Variants in PCDHA10 observed in about 807,000 individuals in gnomAD.
The protein encoded by PCDHA10 is protocadherin alpha 10.
A neutral mutation model predicts 61.2 loss-of-function variants in PCDHA10; 45 were observed. That is an observed-to-expected ratio of 0.74 (90% confidence interval 0.58 to 0.94). PCDHA10 has a LOEUF of 0.94. Ranked by LOEUF, PCDHA10 falls within the 40% of genes least tolerant of loss-of-function variation. The pLI, the probability that PCDHA10 is intolerant of heterozygous loss-of-function variation, is 0.00. For missense variants in PCDHA10, 1,278 were observed against 1,236.2 expected, an observed-to-expected ratio of 1.03 and a Z score of -0.51; for synonymous variants, 602 against 548.8, an observed-to-expected ratio of 1.10 and a Z score of -1.35.
intron 3 of PCDHA10, among the ~76,000 whole-genome samples, chr5:140,985,238 A>G (rs2097143387): frequency 1.3e-5 from 2 of 152,120 alleles, no homozygotes; most frequent in Non-Finnish European, 2.9e-5. Context: ...CGCCTGGCCT[A>G]ATCTTCTTAC....
At chr5:140,872,544 C>T (rs912822292) in intron 1 of PCDHA10, among the ~76,000 whole-genome samples, 1 of 152,126 alleles carries the variant, frequency 6.6e-6, no homozygotes, top group Admixed American at 6.5e-5. Context: ...AGAGGATCCC[C>T]TGAACCCAGG....
chr5:140,980,487 G>C (rs2096891705), intron 2 of PCDHA10, among the ~76,000 whole-genome samples: 1 of 152,124 alleles, frequency 6.6e-6, no homozygotes, highest in African/African-American at 2.4e-5. Flanking sequence ...AAAATTAGCT[G>C]GGCGTGATGG....
chr5:140,861,502 T>A, intron 1 of PCDHA10: 1 of 482,002 alleles, frequency 2.1e-6, no homozygotes. Context: ...CTGATAGACC[T>A]CGAGGAGCTG....
At position 140,973,042 on chromosome 5, in the gene PCDHA10, T is replaced by C. The variant is rs78535788; in HGVS notation, c.2389-5907T>C. Among the ~76,000 whole-genome samples the C allele has an allele frequency of 5.1e-3, 779 of 152,252 alleles. 6 individuals carry two copies. Among genetic ancestry groups the C allele is most frequent in the African/African-American group, 0.018 (740 of 41,542 alleles). ...TGTTAATGAGTCACTTTGAGTACTCTAGTAGATTTGTCCAACAGTGTCTCA... is the reference window on the plus strand; with the variant it reads ...TGTTAATGAGTCACTTTGAGTACTCCAGTAGATTTGTCCAACAGTGTCTCA... On this transcript the variant is annotated intron_variant, in intron 1 of 3. Transcript: ENST00000307360.
intron 1 of PCDHA10, among the ~76,000 whole-genome samples, chr5:140,921,713 A>T (rs1247257514): frequency 2.0e-5 from 3 of 152,174 alleles, no homozygotes; most frequent in Non-Finnish European, 4.4e-5. Flanking sequence ...CAGTAAACAC[A>T]CGAATTACTC....
chr5:140,886,455 A>G (rs1554182545), intron 1 of PCDHA10, among the ~76,000 whole-genome samples: 1 of 152,186 alleles, frequency 6.6e-6, no homozygotes, highest in African/African-American at 2.4e-5. Flanking sequence ...ATTTTGTCAT[A>G]TATAAATGTT....
intron 1 of PCDHA10, among the ~76,000 whole-genome samples, chr5:140,924,936 TAAAAA>T (rs2082205335): frequency 8.1e-6 from 1 of 123,442 alleles, no homozygotes; most frequent in East Asian, 2.8e-4. Context: ...TAAAATAAAA[TAAAAA>T]GTTAAAAAAA....
chr5:140,971,599 A>G (rs891227830), intron 1 of PCDHA10, among the ~76,000 whole-genome samples: 1 of 152,140 alleles, frequency 6.6e-6, no homozygotes, highest in African/African-American at 2.4e-5. Flanking sequence ...GTTACTACAG[A>G]TGGCAGGAGA....
At chr5:140,966,703 G>T in intron 1 of PCDHA10, 1 of 1,376,398 alleles carries the variant, frequency 7.3e-7, no homozygotes, top group South Asian at 1.7e-5. Flanking sequence ...CCCGGGCGTG[G>T]GGCACGGCTG....
In PCDHA10 at chr5:140,856,447, CG is replaced by C. The variant is rs782392908; in HGVS notation, c.400del (p.Val134Ter). ...TTAACGACAACCCGCCCAGGTTCTC[CG>C]TAACAGAACAAAAGCTCTCAATACC... ...DINDNPPRFS[V>X]TEQKLSIPES... On this transcript the variant is annotated frameshift_variant, in exon 1 of 4. Transcript: ENST00000307360. LOFTEE classifies it high-confidence loss of function. 2.5e-6 allele frequency: 4 copies of C among 1,598,330 alleles called. No homozygotes were observed.
At chr5:140,926,804 C>T (rs1298226109) in intron 1 of PCDHA10, 4 of 1,455,652 alleles carry the variant, frequency 2.7e-6, no homozygotes, top group East Asian at 2.5e-5. Context: ...TGCTCTTCCC[C>T]GCGGCTCGTG....
In PCDHA10 at chr5:140,883,030, C is replaced by G. The variant is rs1554176556; in HGVS notation, c.2388+24594C>G. ...TTTATAAAGTGACGGTGTTAGAGAA[C>G]GCCTTCAATGGAACATTAGTGATCA... On this transcript the variant is annotated intron_variant, in intron 1 of 3. Coordinates refer to ENST00000307360, the MANE Select transcript of PCDHA10 (RefSeq NM_018901.4). 1 of 1,613,940 alleles carries G rather than the reference C, an allele frequency of 6.2e-7. No individual in the cohort carries two copies. Among genetic ancestry groups the G allele is most frequent in the Non-Finnish European group, 8.5e-7 (1 of 1,180,036 alleles).
At chr5:140,896,019 C>A (rs2065310725) in intron 1 of PCDHA10, among the ~76,000 whole-genome samples, 1 of 152,144 alleles carries the variant, frequency 6.6e-6, no homozygotes, top group African/African-American at 2.4e-5. Flanking sequence ...CCATGTTGGC[C>A]AGGCTGGTCT....
chr5:140,944,464 G>T (rs2093661298), intron 1 of PCDHA10, among the ~76,000 whole-genome samples: 1 of 152,158 alleles, frequency 6.6e-6, no homozygotes, highest in African/African-American at 2.4e-5. Context: ...TGGGATTACA[G>T]GTATGAGGCA....
At chr5:140,997,910 A>T (rs2097790102) in intron 3 of PCDHA10, among the ~76,000 whole-genome samples, 2 of 152,234 alleles carry the variant, frequency 1.3e-5, no homozygotes. Flanking sequence ...AAGTAGAATT[A>T]CAGAATCATA....
At chr5:140,903,347 A>C (rs1393300562) in intron 1 of PCDHA10, among the ~76,000 whole-genome samples, 2 of 152,228 alleles carry the variant, frequency 1.3e-5, no homozygotes, top group Non-Finnish European at 2.9e-5. Context: ...GCATTTTAAA[A>C]AACAAGTTTT....
chr5:140,915,006 C>A (rs958050012), intron 1 of PCDHA10, among the ~76,000 whole-genome samples: 2 of 149,102 alleles, frequency 1.3e-5, no homozygotes, highest in African/African-American at 5.0e-5. Flanking sequence ...AGTGCAGTGG[C>A]CTGATCTTGG....
intron 1 of PCDHA10, chr5:140,882,607 T>G (rs1313419888): frequency 6.8e-6 from 11 of 1,614,124 alleles, no homozygotes; most frequent in East Asian, 2.2e-5. Flanking sequence ...TGGACAGGCC[T>G]CTGCAGGTTT....
At chr5:140,969,908 T>C (rs1586401643) in intron 1 of PCDHA10, among the ~76,000 whole-genome samples, 4 of 152,184 alleles carry the variant, frequency 2.6e-5, no homozygotes, top group Non-Finnish European at 4.4e-5. Context: ...ATGTCACAAG[T>C]GATAAAGCTG....
Sources: gnomAD v4.1 joint callset for allele counts (sites outside exome capture counted in the v4.1 genomes callset) on GRCh38, gnomAD v4.1.1 for gene constraint, MANE v1.5 for transcripts, NCBI Gene and HGNC (gene_info 2026-07-23, HGNC 2026-07-21) for gene names.